Variants in NRXN3 observed in about 807,000 individuals in gnomAD.
NRXN3 encodes neurexin III.
A neutral mutation model predicts 137.6 loss-of-function variants in NRXN3; 32 were observed. That is an observed-to-expected ratio of 0.23 (90% CI 0.18 to 0.31). The LOEUF (loss-of-function observed/expected upper bound fraction) is 0.31. NRXN3 is among the 10% of genes least tolerant of loss of function. NRXN3 has a pLI of 1.00. For synonymous variants in NRXN3, 798 were observed against 784.5 expected (o/e 1.02, Z -0.29); for missense variants, 1,574 against 2,062.5 (o/e 0.76, Z 4.59).
intron 14 of NRXN3, among the ~76,000 whole-genome samples, chr14:78,969,814 A>T (rs908524036): frequency 1.4e-5 from 2 of 141,410 alleles, no homozygotes; most frequent in Non-Finnish European, 3.1e-5. Flanking sequence ...TGTACTATGT[A>T]GTGTGTGTGT....
chr14:79,765,658 A>C (rs2099053417), intron 19 of NRXN3, among the ~76,000 whole-genome samples: 1 of 152,196 alleles, frequency 6.6e-6, no homozygotes, highest in Admixed American at 6.5e-5. Flanking sequence ...TATCTTTAGC[A>C]AATCACATAG....
chr14:79,120,476 T>C (rs2152920715), intron 15 of NRXN3, among the ~76,000 whole-genome samples: 1 of 152,244 alleles, frequency 6.6e-6, no homozygotes, highest in African/African-American at 2.4e-5. Flanking sequence ...AACCAGCTTA[T>C]GATTCTTATC....
At chr14:79,671,004 G>C (rs779716599) in intron 17 of NRXN3, among the ~76,000 whole-genome samples, 8 of 152,128 alleles carry the variant, frequency 5.3e-5, no homozygotes, top group Non-Finnish European at 8.8e-5. Flanking sequence ...TCTCCCAGAG[G>C]TGTAGGAAGT....
intron 15 of NRXN3, among the ~76,000 whole-genome samples, chr14:79,224,035 A>G (rs1308395469): frequency 3.3e-5 from 5 of 152,190 alleles, no homozygotes; most frequent in Admixed American, 2.0e-4. Flanking sequence ...AGGATTCATC[A>G]GCAATAGGGC....
At chr14:79,356,717 T>C (rs2093436337) in intron 15 of NRXN3, among the ~76,000 whole-genome samples, 1 of 152,130 alleles carries the variant, frequency 6.6e-6, no homozygotes. Context: ...CCTGCTGATA[T>C]GTTCAATTTA....
chr14:79,771,338 A>T (rs888524497), intron 19 of NRXN3, among the ~76,000 whole-genome samples: 2 of 152,178 alleles, frequency 1.3e-5, no homozygotes, highest in South Asian at 2.1e-4. Flanking sequence ...AGAATTTTAG[A>T]CCAGTATCCT....
chr14:78,736,073 C>T (rs939520403), intron 8 of NRXN3, among the ~76,000 whole-genome samples: 1 of 152,106 alleles, frequency 6.6e-6, no homozygotes, highest in Non-Finnish European at 1.5e-5. Context: ...AGGTGCTTTC[C>T]ACCCACCCTA....
At chr14:78,813,983 T>C (rs2098923358) in intron 10 of NRXN3, among the ~76,000 whole-genome samples, 1 of 152,200 alleles carries the variant, frequency 6.6e-6, no homozygotes, top group South Asian at 2.1e-4. Flanking sequence ...TTAACTTCTC[T>C]TTTTTAATAC....
At position 79,106,709 on chromosome 14, in the gene NRXN3, A is replaced by G. The variant is rs540499907; in HGVS notation, c.3262+118568A>G. Among the ~76,000 whole-genome samples, 213 of 152,200 alleles carry G rather than the reference A, an allele frequency of 1.4e-3. 1 individual carries two copies. Among genetic ancestry groups the G allele is most frequent in the Middle Eastern group, 0.014 (4 of 294 alleles). Reference sequence around the variant, plus strand: ...TGGGGACTATTATATAAATTTTACCATAATTGATTGTGTTTAGTACTTCCC... The same window carrying G: ...TGGGGACTATTATATAAATTTTACCGTAATTGATTGTGTTTAGTACTTCCC... On this transcript the variant is annotated intron_variant, in intron 15 of 20. Coordinates refer to ENST00000335750, the MANE Select transcript of NRXN3 (RefSeq NM_001330195.2).
chr14:79,628,724 C>T (rs1283297128), intron 16 of NRXN3, among the ~76,000 whole-genome samples: 1 of 152,144 alleles, frequency 6.6e-6, no homozygotes, highest in Non-Finnish European at 1.5e-5. Flanking sequence ...CGAATATTAA[C>T]CTGAAAAAGG....
intron 15 of NRXN3, among the ~76,000 whole-genome samples, chr14:79,456,407 A>G (rs899021347): frequency 5.3e-5 from 8 of 152,110 alleles, no homozygotes; most frequent in Non-Finnish European, 1.2e-4. Context: ...CTTAGACTAC[A>G]TGAGTTAGCT....
chr14:79,840,688 A>G (rs181424636), intron 20 of NRXN3, among the ~76,000 whole-genome samples: 3 of 152,306 alleles, frequency 2.0e-5, no homozygotes, highest in African/African-American at 4.8e-5. Flanking sequence ...ATTTACTGCT[A>G]TGTAAGGTGT....
intron 4 of NRXN3, among the ~76,000 whole-genome samples, chr14:78,586,651 T>A (rs970831825): frequency 5.5e-4 from 84 of 152,146 alleles, no homozygotes; most frequent in African/African-American, 2.0e-3. Context: ...AAGCCTATGA[T>A]CTATGCTCAG....
intron 16 of NRXN3, among the ~76,000 whole-genome samples, chr14:79,652,288 A>T (rs1261442430): frequency 6.6e-6 from 1 of 151,796 alleles, no homozygotes; most frequent in African/African-American, 2.4e-5. Flanking sequence ...CATGTTAATG[A>T]ACAAAATTGT....
chr14:79,826,231 G>T (rs2099300285), intron 20 of NRXN3, among the ~76,000 whole-genome samples: 1 of 152,094 alleles, frequency 6.6e-6, no homozygotes, highest in Non-Finnish European at 1.5e-5. Flanking sequence ...GGCCTCAGGT[G>T]ATCTGCCTGC....
In NRXN3 at chr14:79,861,947, A is replaced by G; in HGVS notation, c.4699A>G (p.Arg1567Gly). 1.2e-6 allele frequency: 2 copies of G among 1,613,032 alleles called. No homozygotes were observed. Among genetic ancestry groups the G allele is most frequent in the Non-Finnish European group, 1.7e-6 (2 of 1,179,446 alleles). ...SGHKKQKNKD[R>G]EYYV ...CCACAAGAAACAGAAAAACAAGGAC[A>G]GGGAGTATTACGTGTAAACATGCGA... The change falls in exon 21 of 21, where the codon AGG becomes GGG. Residue 1567 changes from arginine (R) to glycine (G), a missense_variant. Coordinates refer to ENST00000335750, the MANE Select transcript of NRXN3 (RefSeq NM_001330195.2). This position sits in a 1 kb window ranked among gnomAD's most constrained non-coding sequence, Gnocchi z 5.4.
intron 4 of NRXN3, among the ~76,000 whole-genome samples, chr14:78,523,757 C>T (rs1349686277): frequency 1.5e-5 from 2 of 133,210 alleles, no homozygotes; most frequent in Non-Finnish European, 3.0e-5. Flanking sequence ...GCGGAGCTTG[C>T]AGTGAGCTGA....
chr14:78,749,982 A>G (rs1400294819), intron 8 of NRXN3, among the ~76,000 whole-genome samples: 2 of 152,190 alleles, frequency 1.3e-5, no homozygotes, highest in Admixed American at 6.5e-5. Context: ...TTATTTATTT[A>G]TAGTTCCTTC....
At chr14:78,452,242 T>C (rs946841338) in intron 4 of NRXN3, among the ~76,000 whole-genome samples, 1 of 152,336 alleles carries the variant, frequency 6.6e-6, no homozygotes, top group Non-Finnish European at 1.5e-5. Flanking sequence ...CACCAGTCAC[T>C]AGTAGTGTGC....
Sources: allele counts gnomAD v4.1 joint callset (sites outside exome capture counted in the v4.1 genomes callset), GRCh38; gene constraint gnomAD v4.1.1; non-coding constraint Gnocchi (gnomAD v3.1); transcripts MANE v1.5; gene names NCBI Gene and HGNC (gene_info 2026-07-23, HGNC 2026-07-21).